DMRT1: variants seen among roughly 807,000 people sequenced by gnomAD.
DMRT1 encodes the protein doublesex and mab-3 related transcription factor 1.
Under a neutral mutation model 32.3 loss-of-function variants are expected in DMRT1, and 7 were observed. That is an observed-to-expected ratio of 0.22 (90% confidence interval 0.12 to 0.41). DMRT1 has a LOEUF of 0.41. DMRT1 is among the 10% of genes least tolerant of loss of function. The probability of loss-of-function intolerance (pLI) is 1.00; values close to 1 mark genes in which losing one functional copy is unlikely to be tolerated. For missense variants in DMRT1, 625 were observed against 500.5 expected (o/e 1.25, Z -2.37); for synonymous variants, 278 against 206.1 (o/e 1.35, Z -2.99).
chr9:901,731 G>A (rs1817584343), intron 3 of DMRT1, among the ~76,000 whole-genome samples: 1 of 151,814 alleles, frequency 6.6e-6, no homozygotes, highest in Non-Finnish European at 1.5e-5. Flanking sequence ...CTGGTCACTG[G>A]AAACTCCTGG....
intron 3 of DMRT1, among the ~76,000 whole-genome samples, chr9:895,835 T>C (rs1234383218): frequency 2.7e-5 from 4 of 150,096 alleles, no homozygotes; most frequent in African/African-American, 4.9e-5. Context: ...AGAGGGAGTC[T>C]TGCTCTGTCA....
At chr9:870,477 C>T (rs773317288) in intron 2 of DMRT1, among the ~76,000 whole-genome samples, 1 of 152,080 alleles carries the variant, frequency 6.6e-6, no homozygotes, top group South Asian at 2.1e-4. Context: ...TTGATGAGTC[C>T]GTCCCGTGAC....
At chr9:888,269 G>A (rs961301419) in intron 2 of DMRT1, among the ~76,000 whole-genome samples, 1 of 151,880 alleles carries the variant, frequency 6.6e-6, no homozygotes, top group African/African-American at 2.4e-5. Context: ...GAGTGATTTA[G>A]GTAGAAGCCT....
intron 2 of DMRT1, among the ~76,000 whole-genome samples, chr9:868,727 C>T (rs1419373204): frequency 1.3e-5 from 2 of 152,172 alleles, no homozygotes; most frequent in Non-Finnish European, 2.9e-5. Flanking sequence ...AAGTTAGCAT[C>T]GGCTGGGCAC....
rs148050957 is a variant in DMRT1 at position 914,035 on chromosome 9, A to T, written c.823-2728A>T. Among the ~76,000 whole-genome samples the T allele has an allele frequency of 3.3e-3, 504 of 152,242 alleles. 2 individuals carry two copies. The highest frequency in any genetic ancestry group is 0.012 in the African/African-American group (484 of 41,538). On this transcript the variant is annotated intron_variant, in intron 3 of 4. Coordinates refer to ENST00000382276, the MANE Select transcript of DMRT1 (RefSeq NM_021951.3). ...GTCTTACCATCAGGACCTGCATTTT[A>T]ACAGGACCCCCTGGCCATTCATATG...
chr9:947,515 C>T (rs1819285057), intron 4 of DMRT1, among the ~76,000 whole-genome samples: 1 of 152,216 alleles, frequency 6.6e-6, no homozygotes, highest in African/African-American at 2.4e-5. Context: ...TTTGAGCAGG[C>T]ACCAAACCTT....
chr9:863,741 T>G (rs1815833250), intron 2 of DMRT1, among the ~76,000 whole-genome samples: 1 of 152,232 alleles, frequency 6.6e-6, no homozygotes, highest in Non-Finnish European at 1.5e-5. Context: ...GGTGATTTGT[T>G]AACACAGTGA....
chr9:929,471 G>A (rs560766393), intron 4 of DMRT1, among the ~76,000 whole-genome samples: 1 of 152,130 alleles, frequency 6.6e-6, no homozygotes, highest in South Asian at 2.1e-4. Context: ...TTTGATTGAT[G>A]TTGTTTAGTA....
chr9:908,273 T>C (rs1817849815), intron 3 of DMRT1, among the ~76,000 whole-genome samples: 2 of 151,904 alleles, frequency 1.3e-5, no homozygotes, highest in Admixed American at 6.6e-5. Context: ...CTGGGCAACA[T>C]AGTGGGACCC....
chr9:963,427 T>A (rs1425520681), intron 4 of DMRT1, among the ~76,000 whole-genome samples: 1 of 149,088 alleles, frequency 6.7e-6, no homozygotes, highest in African/African-American at 2.5e-5. Flanking sequence ...ACTTTTTTTT[T>A]AGTAAATTTA....
intron 4 of DMRT1, among the ~76,000 whole-genome samples, chr9:940,427 G>T (rs1819025383): frequency 6.6e-6 from 1 of 152,130 alleles, no homozygotes; most frequent in South Asian, 2.1e-4. Flanking sequence ...AATGATTTTT[G>T]ACCAGAGTGC....
intron 3 of DMRT1, among the ~76,000 whole-genome samples, chr9:904,828 C>A (rs2094737022): frequency 6.6e-6 from 1 of 151,962 alleles, no homozygotes; most frequent in Non-Finnish European, 1.5e-5. Context: ...CCTATAATCC[C>A]AGCTACTCGA....
At chr9:944,919 A>G (rs1819193503) in intron 4 of DMRT1, among the ~76,000 whole-genome samples, 1 of 152,072 alleles carries the variant, frequency 6.6e-6, no homozygotes, top group Admixed American at 6.6e-5. Context: ...ATAATTTGGT[A>G]AATCTAGTTG....
At chr9:957,187 G>C (rs770499229) in intron 4 of DMRT1, among the ~76,000 whole-genome samples, 2 of 152,188 alleles carry the variant, frequency 1.3e-5, no homozygotes, top group African/African-American at 4.8e-5. Context: ...TAAAATACCT[G>C]TTGAAACATG....
intron 4 of DMRT1, among the ~76,000 whole-genome samples, chr9:922,707 C>T (rs1818394402): frequency 6.6e-6 from 1 of 152,204 alleles, no homozygotes; most frequent in Admixed American, 6.5e-5. Context: ...TTGGTTCCGT[C>T]TCAGAGTGGC....
At position 968,003 on chromosome 9, in the gene DMRT1, G is replaced by A. The variant is rs1371613323; in HGVS notation, c.986G>A (p.Ser329Asn). The change falls in exon 5 of 5, where the codon AGT (serine) becomes AAT (asparagine). Residue 329 changes from serine (S) to asparagine (N), a missense_variant. By Grantham distance (46) the Ser-to-Asn change is conservative. Transcript: ENST00000382276. ...TTCGCAGTATTCTCGCCGCCCAGCA[G>A]TCAAGATTCTGGCTTGGTTTCCCTC... ...ARASVFSPPS[S>N]QDSGLVSLSS... The A allele has an allele frequency of 6.2e-7, 1 of 1,613,834 alleles. No individual in the cohort carries two copies. Among genetic ancestry groups the A allele is most frequent in the African/African-American group, 1.3e-5 (1 of 74,890 alleles).
chr9:868,373 A>G (rs1816082933), intron 2 of DMRT1, among the ~76,000 whole-genome samples: 1 of 152,218 alleles, frequency 6.6e-6, no homozygotes, highest in Admixed American at 6.5e-5. Context: ...TGTCTCTGAT[A>G]TTTGATAATA....
At chr9:843,143 C>A (rs1022735879) in intron 1 of DMRT1, among the ~76,000 whole-genome samples, 8 of 152,228 alleles carry the variant, frequency 5.3e-5, no homozygotes, top group African/African-American at 1.9e-4. Context: ...TCCCTCCTTG[C>A]TGAGTTGCAC....
chr9:946,336 C>T (rs1819244810), intron 4 of DMRT1, among the ~76,000 whole-genome samples: 2 of 152,052 alleles, frequency 1.3e-5, no homozygotes, highest in Non-Finnish European at 2.9e-5. Context: ...ACATTTTTGT[C>T]TATTGGGTGG....
Sources: allele counts gnomAD v4.1 joint callset (sites outside exome capture counted in the v4.1 genomes callset), GRCh38; gene constraint gnomAD v4.1.1; transcripts MANE v1.5; gene names NCBI Gene and HGNC (gene_info 2026-07-23, HGNC 2026-07-21).